UBE2G1: variants seen among roughly 807,000 people sequenced by gnomAD.
UBE2G1 encodes ubiquitin conjugating enzyme E2 G1.
Under a neutral mutation model 22.7 loss-of-function variants are expected in UBE2G1, and 5 were observed. The observed-to-expected ratio is 0.22, with a 90% CI of 0.12 to 0.46. The LOEUF (loss-of-function observed/expected upper bound fraction) is 0.46, where lower values mean the gene tolerates loss of function less well. UBE2G1 is among the 20% of genes least tolerant of loss of function. The pLI, the probability that UBE2G1 is intolerant of heterozygous loss-of-function variation, is 0.99. For missense variants in UBE2G1, 88 were observed against 203.9 expected, an observed-to-expected ratio of 0.43 and a Z score of 3.46; for synonymous variants, 74 against 67.5, an observed-to-expected ratio of 1.10 and a Z score of -0.47.
intron 3 of UBE2G1, among the ~76,000 whole-genome samples, chr17:4,294,312 A>G (rs1013951796): frequency 6.6e-6 from 1 of 151,602 alleles, no homozygotes; most frequent in Non-Finnish European, 1.5e-5. Flanking sequence ...GCTACTCAGG[A>G]GGCTGAGGCA....
chr17:4,297,459 A>G (rs1416787416), intron 2 of UBE2G1, among the ~76,000 whole-genome samples: 1 of 152,180 alleles, frequency 6.6e-6, no homozygotes, highest in Non-Finnish European at 1.5e-5. Flanking sequence ...GTAGCCACCA[A>G]CCACTTGAAA....
chr17:4,292,123 G>A (rs1598182613), intron 3 of UBE2G1, among the ~76,000 whole-genome samples: 1 of 151,650 alleles, frequency 6.6e-6, no homozygotes, highest in South Asian at 2.1e-4. Context: ...ATCACCTGAG[G>A]TCGAGACCAG....
chr17:4,341,050 C>CAAAAA (rs71383550), intron 1 of UBE2G1, among the ~76,000 whole-genome samples: 2 of 85,960 alleles, frequency 2.3e-5, no homozygotes, highest in African/African-American at 3.7e-5. Flanking sequence ...AGTGTCTTTA[C>CAAAAA]AAAAAAAAAA....
intron 1 of UBE2G1, among the ~76,000 whole-genome samples, chr17:4,313,616 C>T (rs189681417): frequency 2.0e-5 from 3 of 151,874 alleles, no homozygotes; most frequent in East Asian, 3.9e-4. Flanking sequence ...CAAATCAGGA[C>T]GATAGTATTT....
intron 3 of UBE2G1, 122 bp from the exon 4 acceptor site, chr17:4,289,530 G>A (rs934397614): frequency 9.1e-7 from 1 of 1,094,010 alleles, no homozygotes. Context: ...ATACGCAGAA[G>A]TTAATGTCCA....
chr17:4,328,930 C>T (rs868178968), intron 1 of UBE2G1, among the ~76,000 whole-genome samples: 1 of 151,400 alleles, frequency 6.6e-6, no homozygotes, highest in African/African-American at 2.4e-5. Context: ...ACTAAAAATA[C>T]AAAGAATTAG....
At chr17:4,273,926 A>C (rs1158280006) in intron 5 of UBE2G1, among the ~76,000 whole-genome samples, 2 of 152,150 alleles carry the variant, frequency 1.3e-5, no homozygotes. Context: ...GTTATGACAA[A>C]TTTTAACTCA....
intron 1 of UBE2G1, among the ~76,000 whole-genome samples, chr17:4,308,537 A>AAC (rs984250666): frequency 2.6e-5 from 4 of 152,168 alleles, no homozygotes; most frequent in Admixed American, 6.6e-5. Context: ...AAAGAAAAAA[A>AAC]ACACACACAC....
chr17:4,288,288 C>G (rs1471853064), intron 4 of UBE2G1, among the ~76,000 whole-genome samples: 1 of 151,448 alleles, frequency 6.6e-6, no homozygotes, highest in Non-Finnish European at 1.5e-5. Context: ...TTTTAGAGTC[C>G]AGATCTCGGC....
intron 1 of UBE2G1, among the ~76,000 whole-genome samples, chr17:4,351,776 A>G (rs2143817657): frequency 6.6e-6 from 1 of 152,332 alleles, no homozygotes; most frequent in East Asian, 1.9e-4. Context: ...GTGAAAGAGT[A>G]TCAAGGAAGA....
intron 4 of UBE2G1, among the ~76,000 whole-genome samples, chr17:4,284,284 A>C (rs542726245): frequency 6.6e-6 from 1 of 152,172 alleles, no homozygotes; most frequent in African/African-American, 2.4e-5. Context: ...CTTTATATAA[A>C]TATACTGAAG....
intron 1 of UBE2G1, among the ~76,000 whole-genome samples, chr17:4,348,381 G>A (rs1253684448): frequency 9.4e-5 from 14 of 148,938 alleles, no homozygotes; most frequent in African/African-American, 2.2e-4. Context: ...GTGAAACCCC[G>A]TCTCTACTAA....
intron 1 of UBE2G1, among the ~76,000 whole-genome samples, chr17:4,337,742 A>C (rs1969666268): frequency 6.6e-6 from 1 of 152,202 alleles, no homozygotes; most frequent in Non-Finnish European, 1.5e-5. Flanking sequence ...AGAGAGCCAC[A>C]GCCTAAACAC....
chr17:4,278,303 CTCATT>C (rs781233112), intron 5 of UBE2G1, among the ~76,000 whole-genome samples: 23 of 152,324 alleles, frequency 1.5e-4, no homozygotes, highest in Admixed American at 3.3e-4. Flanking sequence ...AGAAGACTGA[CTCATT>C]TATTTAAGCA....
intron 4 of UBE2G1, among the ~76,000 whole-genome samples, chr17:4,286,265 C>G (rs770790363): frequency 6.6e-6 from 1 of 151,750 alleles, no homozygotes; most frequent in Non-Finnish European, 1.5e-5. Flanking sequence ...ATTAGCCAGG[C>G]GTGGTGGCAG....
chr17:4,336,417 A>G (rs1423217493), intron 1 of UBE2G1, among the ~76,000 whole-genome samples: 2 of 152,330 alleles, frequency 1.3e-5, no homozygotes, highest in Non-Finnish European at 1.5e-5. Context: ...ATTCAAACTG[A>G]AAGAATATTA....
chr17:4,277,763 G>A (rs569154677), intron 5 of UBE2G1, among the ~76,000 whole-genome samples: 2 of 148,244 alleles, frequency 1.3e-5, no homozygotes, highest in East Asian at 2.0e-4. Flanking sequence ...TTTCGTTCAC[G>A]TCTATGTCCT....
At chr17:4,361,092 G>T (rs775880075) in intron 1 of UBE2G1, among the ~76,000 whole-genome samples, 3 of 149,720 alleles carry the variant, frequency 2.0e-5, no homozygotes, top group African/African-American at 7.4e-5. Flanking sequence ...GCGTGGTGGT[G>T]GACACCTGTA....
rs56962666 is a variant in UBE2G1 at position 4,329,109 on chromosome 17, G to GAAAA, written c.47-21990_47-21987dup. Among the ~76,000 whole-genome samples the GAAAA allele has an allele frequency of 6.5e-5, 6 of 91,738 alleles. 1 individual carries two copies. Among genetic ancestry groups the GAAAA allele is most frequent in the African/African-American group, 8.2e-5 (2 of 24,518 alleles). 60.2% of individuals were successfully genotyped at this position (91,738 alleles called of 152,430 possible). A position where few individuals can be genotyped will look rare whatever the true frequency, so the allele number is the denominator to read the frequency against. ...ACAGAGAGAGACTCCGTCTCAAAAA[G>GAAAA]AAAAAAAAAAAAAAAAAAAAAAGAC... On this transcript the variant is annotated intron_variant, in intron 1 of 5. Coordinates refer to ENST00000396981, the MANE Select transcript of UBE2G1 (RefSeq NM_003342.5).
Sources: gnomAD v4.1 joint callset for allele counts (sites outside exome capture counted in the v4.1 genomes callset) on GRCh38, gnomAD v4.1.1 for gene constraint, MANE v1.5 for transcripts, NCBI Gene and HGNC (gene_info 2026-07-23, HGNC 2026-07-21) for gene names.